The following HCN2 variants were observed in gnomAD, a reference collection of about 807,000 sequenced individuals.
HCN2 encodes potassium/sodium hyperpolarization-activated cyclic nucleotide-gated channel 2.
Under a neutral mutation model 52.3 loss-of-function variants are expected in HCN2, and 20 were observed. The ratio of observed to expected loss-of-function variants is 0.38; its 90% confidence interval spans 0.27 to 0.56. The LOEUF is 0.56. Ranked by LOEUF, HCN2 falls within the 20% of genes least tolerant of loss-of-function variation. HCN2 has a pLI of 0.71. For synonymous variants in HCN2, 694 were observed against 537.0 expected (o/e 1.29, Z -4.04); for missense variants, 981 against 1,207.7 (o/e 0.81, Z 2.78).
At chr19:615,159 T>C (rs1983839928) in intron 7 of HCN2, among the ~76,000 whole-genome samples, 1 of 152,076 alleles carries the variant, frequency 6.6e-6, no homozygotes, top group African/African-American at 2.4e-5. Context: ...ATACAGGTGG[T>C]ACACATGCAT....
intron 1 of HCN2, 27 bp from the exon 2 acceptor site, chr19:603,517 C>T: frequency 1.3e-6 from 2 of 1,583,848 alleles, no homozygotes; most frequent in Non-Finnish European, 8.6e-7. Context: ...AGGCACCGGC[C>T]TGAGGTGTGG....
intron 1 of HCN2, among the ~76,000 whole-genome samples, chr19:594,174 G>T (rs1982954100): frequency 6.6e-6 from 1 of 151,392 alleles, no homozygotes; most frequent in Non-Finnish European, 1.5e-5. Context: ...GGTCTGAGGA[G>T]GTCGCGTTCT....
In HCN2 at chr19:613,723, G is replaced by A. The variant is rs1025227796; in HGVS notation, c.1826-129G>A. On this transcript the variant is annotated intron_variant, in intron 6 of 7. Transcript: ENST00000251287. ...TGGGGCCGGGGATGGGGCCGGGGCC[G>A]GCACCAGGGAGAGCCTGGGTGGGAA... The A allele has an allele frequency of 1.1e-5, 11 of 1,043,270 alleles. 1 individual carries two copies. Among genetic ancestry groups the A allele is most frequent in the Admixed American group, 4.0e-5 (1 of 25,048 alleles). The allele number at this position is 1,043,270 out of a possible 1,614,324, so 64.6% of individuals were successfully genotyped here.
rs536494077 is a variant in HCN2 at position 605,028 on chromosome 19, C to T, written c.1057-33C>T. The T allele has an allele frequency of 2.2e-4, 343 of 1,574,306 alleles. 2 individuals carry two copies. In the South Asian group the frequency reaches 2.4e-3, roughly 11 times the overall value. ...TCTGAAGGTGGGGGCCGGGGGTCAG[C>T]GGGTAGGGTGGGCTCACGGCGCCTT... On this transcript the variant is annotated intron_variant, in intron 2 of 7. Transcript: ENST00000251287.
intron 1 of HCN2, among the ~76,000 whole-genome samples, chr19:599,438 G>A (rs994248032): frequency 6.6e-6 from 1 of 152,156 alleles, no homozygotes; most frequent in Admixed American, 6.5e-5. Flanking sequence ...AAAGGATGTG[G>A]GGACCCCGGC....
In HCN2 at chr19:590,032, G is replaced by GC; in HGVS notation, c.94dup (p.Gln32ProfsTer37). ...GGCCGCCGCCGCCGCCGCCGCCCGC[G>GC]CCCCCCCAACAGCAGCCGCCGCCGC... On this transcript the variant is annotated frameshift_variant, in exon 1 of 8. Transcript: ENST00000251287. LOFTEE classifies it high-confidence loss of function. This position sits in a 1 kb window ranked among gnomAD's most constrained non-coding sequence, Gnocchi z 7.2. 8.9e-5 allele frequency: 52 copies of GC among 584,748 alleles called. No homozygotes were observed. Among genetic ancestry groups the GC allele is most frequent in the Non-Finnish European group, 1.0e-4 (49 of 478,466 alleles). 36.2% of individuals were successfully genotyped at this position (584,748 alleles called of 1,614,324 possible).
At chr19:602,621 C>T (rs980046651) in intron 1 of HCN2, among the ~76,000 whole-genome samples, 2 of 152,212 alleles carry the variant, frequency 1.3e-5, no homozygotes, top group East Asian at 1.9e-4. Flanking sequence ...CGCCCTGCCT[C>T]GCCCTGCTGC....
intron 1 of HCN2, among the ~76,000 whole-genome samples, chr19:599,402 C>T (rs906093220): frequency 1.3e-5 from 2 of 152,110 alleles, no homozygotes; most frequent in Non-Finnish European, 2.9e-5. Context: ...TTGGGGAGTC[C>T]CTCCAGTCCC....
At chr19:614,496 A>G (rs962917620) in intron 7 of HCN2, among the ~76,000 whole-genome samples, 1 of 152,014 alleles carries the variant, frequency 6.6e-6, no homozygotes, top group Admixed American at 6.5e-5. Flanking sequence ...CTGAGTTGGG[A>G]ATGCAGAGTG....
At chr19:613,662 C>CATGAT (rs1983758878) in intron 6 of HCN2, among the ~76,000 whole-genome samples, 174 bp downstream of exon 6, 1 of 13,174 alleles carries the variant, frequency 7.6e-5, no homozygotes, top group Non-Finnish European at 1.4e-4. Context: ...GGGATGGGGC[C>CATGAT]GGGGATGGGG....
At chr19:612,802 G>C (rs972582967) in intron 5 of HCN2, among the ~76,000 whole-genome samples, 1 of 149,228 alleles carries the variant, frequency 6.7e-6, no homozygotes, top group East Asian at 2.0e-4. Context: ...TGGGGATCAC[G>C]GCTCACTGCA....
At chr19:608,564 C>T (rs1600530580) in intron 4 of HCN2, among the ~76,000 whole-genome samples, 1 of 149,970 alleles carries the variant, frequency 6.7e-6, no homozygotes, top group South Asian at 2.1e-4. Flanking sequence ...GAGGGAGGTC[C>T]AGAGCCTGGA....
chr19:613,154 C>G, intron 5 of HCN2, 94 bp from the exon 6 acceptor site: 1 of 1,446,268 alleles, frequency 6.9e-7, no homozygotes, highest in Non-Finnish European at 9.3e-7. Context: ...GACGAGGAAA[C>G]TGGGGTCCGA....
chr19:604,894 C>T (rs1169964167), intron 2 of HCN2, among the ~76,000 whole-genome samples, 167 bp from the exon 3 acceptor site: 2 of 94,582 alleles, frequency 2.1e-5, no homozygotes, highest in Non-Finnish European at 4.1e-5. Context: ...GTTTGGAGGG[C>T]GGGGGTCCCG....
Position 593,668 on chromosome 19 carries a change from C to A in HCN2, c.632+3091C>A, listed in dbSNP as rs187611987. On this transcript the variant is annotated intron_variant, in intron 1 of 7. Coordinates refer to ENST00000251287, the MANE Select transcript of HCN2 (RefSeq NM_001194.4). ...AGTGCAGTTGGTCTATTGCTGAAGT[C>A]TCTGGGGCTGTGGGTGGCTCTACAC... 8.5e-5 allele frequency among the ~76,000 whole-genome samples: 13 copies of A among 152,260 alleles called. No homozygotes were observed. In the East Asian group the frequency reaches 2.3e-3, roughly 27 times the overall value.
chr19:605,524 C>T (rs376804514), intron 3 of HCN2, among the ~76,000 whole-genome samples: 2 of 27,376 alleles, frequency 7.3e-5, no homozygotes, highest in South Asian at 1.7e-3. Flanking sequence ...GGGGAGGACT[C>T]GGGCCCTTTC....
At position 616,817 on chromosome 19, in the gene HCN2, G is replaced by A. The variant is rs866146431; in HGVS notation, c.*343G>A. The A allele has an allele frequency of 4.4e-5, 7 of 157,936 alleles. No individual in the cohort carries two copies. In the East Asian group the frequency reaches 7.9e-4, roughly 18 times the overall value. The allele number at this position is 157,936 out of a possible 1,614,324, so 9.8% of individuals were successfully genotyped here. On this transcript the variant is annotated 3_prime_UTR_variant, in exon 8 of 8. Coordinates refer to ENST00000251287, the MANE Select transcript of HCN2 (RefSeq NM_001194.4). Reference sequence around the variant, plus strand: ...AGGAGCCGGCTGTGGAGCCCCGCCCGCCCCCCACCCTCTAGGTGGCCCCCG... The same window carrying A: ...AGGAGCCGGCTGTGGAGCCCCGCCCACCCCCCACCCTCTAGGTGGCCCCCG...
chr19:613,638 C>CGGGGATGGGGATGGGGCCGGGGAT (rs1983755358), intron 6 of HCN2, 150 bp downstream of exon 6: 7 of 37,522 alleles, frequency 1.9e-4, no homozygotes, highest in Middle Eastern at 0.017. Flanking sequence ...GGGATGGGGC[C>CGGGGATGGGGATGGGGCCGGGGAT]GGGGATGGGG....
In HCN2 at chr19:612,644, A is replaced by T. The variant is rs535688857; in HGVS notation, c.1585-604A>T. ...TGGCCAGGCTGGTCTCGAACTCCTG[A>T]CATCAGGCGATCCACCCACCTTGGC... On this transcript the variant is annotated intron_variant, in intron 5 of 7. Coordinates refer to ENST00000251287, the MANE Select transcript of HCN2 (RefSeq NM_001194.4). Among the ~76,000 whole-genome samples, 281 of 151,686 alleles carry T rather than the reference A, an allele frequency of 1.9e-3. 3 individuals carry two copies. The highest frequency in any genetic ancestry group is 3.5e-3 in the South Asian group (17 of 4,792).
Sources: gnomAD v4.1 joint callset for allele counts (sites outside exome capture counted in the v4.1 genomes callset) on GRCh38, gnomAD v4.1.1 for gene constraint, Gnocchi (gnomAD v3.1) non-coding constraint, MANE v1.5 for transcripts, NCBI Gene and HGNC (gene_info 2026-07-23, HGNC 2026-07-21) for gene names.